CABP1: variants seen among roughly 807,000 people sequenced by gnomAD.
CABP1 encodes calcium-binding protein 1.
In CABP1, 17 loss-of-function variants were observed where a neutral mutation model predicts 34.3. The ratio of observed to expected loss-of-function variants is 0.50; its 90% CI spans 0.34 to 0.74. CABP1 has a LOEUF of 0.74. Ranked by LOEUF, CABP1 falls within the 30% of genes least tolerant of loss-of-function variation. CABP1 has a pLI of 0.01. For synonymous variants in CABP1, 198 were observed against 229.2 expected (o/e 0.86, Z 1.23); for missense variants, 373 against 511.1 (o/e 0.73, Z 2.61).
chr12:120,655,760 C>G (rs1880139521), intron 1 of CABP1: 2 of 1,475,454 alleles, frequency 1.4e-6, no homozygotes, highest in Non-Finnish European at 1.8e-6. Flanking sequence ...TAGAAGCCCC[C>G]CGCTGCCCCT....
chr12:120,666,973 C>G lies in CABP1; in HGVS notation c.*73C>G. On this transcript the variant is annotated 3_prime_UTR_variant, in exon 6 of 6. Transcript: ENST00000316803. ...AAGAGGAGCTAGAGCTTGCCTCACCCGCTGTAGCCGCCGAGAGCCCAGGAT... is the reference window on the plus strand; with the variant it reads ...AAGAGGAGCTAGAGCTTGCCTCACCGGCTGTAGCCGCCGAGAGCCCAGGAT... The G allele has an allele frequency of 1.3e-6, 2 of 1,526,876 alleles. No homozygotes were observed. Among genetic ancestry groups the G allele is most frequent in the Non-Finnish European group, 1.8e-6 (2 of 1,133,408 alleles). The allele number at this position is 1,526,876 out of a possible 1,614,324, so 94.6% of individuals were successfully genotyped here.
rs55874841 is a variant in CABP1 at position 120,642,995 on chromosome 12, G to GAAAAA, written c.654+1669_654+1673dup. On this transcript the variant is annotated intron_variant, in intron 1 of 5. Coordinates refer to ENST00000316803, the MANE Select transcript of CABP1 (RefSeq NM_001033677.2). ...TTGCAGCTGATCTGACTCAGCTCCTGAAAAAAAAAAAAAAAAAGAGTCCTT... is the reference window on the plus strand; with the variant it reads ...TTGCAGCTGATCTGACTCAGCTCCTGAAAAAAAAAAAAAAAAAAAAAAGAGTCCTT... 4.3e-3 allele frequency among the ~76,000 whole-genome samples: 296 copies of GAAAAA among 69,504 alleles called. 15 individuals are homozygous for GAAAAA. The highest frequency in any genetic ancestry group is 0.021 in the African/African-American group (279 of 13,144). The allele number at this position is 69,504 out of a possible 152,430, so 45.6% of individuals were successfully genotyped here. A position where few individuals can be genotyped will look rare whatever the true frequency, so the allele number is the denominator to read the frequency against.
Position 120,666,909 on chromosome 12 carries a change from G to A in CABP1, c.*9G>A. 1.9e-6 allele frequency: 3 copies of A among 1,603,344 alleles called. No individual in the cohort carries two copies. Among genetic ancestry groups the A allele is most frequent in the South Asian group, 1.1e-5 (1 of 89,968 alleles). On this transcript the variant is annotated 3_prime_UTR_variant, in exon 6 of 6. Coordinates refer to ENST00000316803, the MANE Select transcript of CABP1 (RefSeq NM_001033677.2). ...GGATGATGTCCCGCTGAGGCCGCGA[G>A]GGCCCCTCCAGGACTGCCAAGCTCC...
chr12:120,650,467 AGAC>A, intron 1 of CABP1: 7 of 1,468,742 alleles, frequency 4.8e-6, no homozygotes, highest in Non-Finnish European at 6.3e-6. Flanking sequence ...AGGAGCAGGC[AGAC>A]GAGTAAGAGA....
Position 120,641,784 on chromosome 12 carries a change from A to G in CABP1, c.654+445A>G, listed in dbSNP as rs928641094. 6.6e-6 allele frequency among the ~76,000 whole-genome samples: 1 copy of G among 152,248 alleles called. No individual in the cohort carries two copies. Among genetic ancestry groups the G allele is most frequent in the Non-Finnish European group, 1.5e-5 (1 of 68,044 alleles). The stretch of plus-strand genomic sequence containing the variant: ...CAAGAGAGGGGACCTCAGAGAACAC[A>G]GAATTACTTGAGGGCGAGGGACACT... On this transcript the variant is annotated intron_variant, in intron 1 of 5. Coordinates refer to ENST00000316803, the MANE Select transcript of CABP1 (RefSeq NM_001033677.2). The surrounding 1 kb of genome is among the most constrained non-coding windows in gnomAD (Gnocchi z 6.7).
the CABP1 span, among the ~76,000 whole-genome samples, chr12:120,672,671 G>T: frequency 6.6e-6 from 1 of 150,912 alleles, no homozygotes; most frequent in Non-Finnish European, 1.5e-5. Flanking sequence ...TAAAAAGTGG[G>T]CCTGACTAAA....
At chr12:120,676,535 C>T in the CABP1 span, among the ~76,000 whole-genome samples, 1 of 151,946 alleles carries the variant, frequency 6.6e-6, no homozygotes, top group African/African-American at 2.4e-5. Flanking sequence ...TGAAGCGATT[C>T]TCTTGCCTCA....
rs1313143477 is a variant in CABP1 at position 120,660,682 on chromosome 12, C to G, written c.830-49C>G. The G allele has an allele frequency of 3.9e-6, 5 of 1,271,580 alleles. No homozygotes were observed. In the South Asian group the frequency reaches 4.8e-5, roughly 12 times the overall value. 78.8% of individuals were successfully genotyped at this position (1,271,580 alleles called of 1,614,324 possible). The stretch of plus-strand genomic sequence containing the variant: ...ATTCTGTCAGTTGTCTAGTTGGAGA[C>G]AGGGAATGGGTATGTCGGGGATGAC... On this transcript the variant is annotated intron_variant, in intron 3 of 5. Coordinates refer to ENST00000316803, the MANE Select transcript of CABP1 (RefSeq NM_001033677.2). This position sits in a 1 kb window ranked among gnomAD's most constrained non-coding sequence, Gnocchi z 5.0.
rs199817643 is a variant in CABP1, at chr12:120,649,258, G to GC, written c.654+7926dup. On this transcript the variant is annotated intron_variant, in intron 1 of 5. Coordinates refer to ENST00000316803, the MANE Select transcript of CABP1 (RefSeq NM_001033677.2). ...ATCTTCCTAACAGGAGTTCTGAGCA[G>GC]CCCCCCCACACGGGAGAAAAGTTCC... Among the ~76,000 whole-genome samples, 981 of 152,254 alleles carry GC rather than the reference G, an allele frequency of 6.4e-3. 12 individuals carry two copies. Among genetic ancestry groups the GC allele is most frequent in the African/African-American group, 0.023 (941 of 41,530 alleles).
Position 120,641,223 on chromosome 12 carries a change from GGCCTCC to G in CABP1, c.540_545del (p.Leu181_Arg182del). The G allele has an allele frequency of 4.8e-6, 6 of 1,258,930 alleles. No homozygotes were observed. The highest frequency in any genetic ancestry group is 6.0e-6 in the Non-Finnish European group (6 of 1,002,906). 78.0% of individuals were successfully genotyped at this position (1,258,930 alleles called of 1,614,324 possible). A position where few individuals can be genotyped will look rare whatever the true frequency, so the allele number is the denominator to read the frequency against. ...GGAACGGGGACTGTCCCCGGCGCTC[GGCCTCC>G]GGGGCTCTCTGCGAGCCCGGGGCCG... On this transcript the variant is annotated inframe_deletion, in exon 1 of 6. Coordinates refer to ENST00000316803, the MANE Select transcript of CABP1 (RefSeq NM_001033677.2). The surrounding 1 kb of genome is among the most constrained non-coding windows in gnomAD (Gnocchi z 6.7).
intron 1 of CABP1, among the ~76,000 whole-genome samples, chr12:120,652,267 G>C (rs2137339972): frequency 6.6e-6 from 1 of 152,176 alleles, no homozygotes; most frequent in Non-Finnish European, 1.5e-5. Flanking sequence ...GGATGGAGGA[G>C]AAACAGGAAA....
the CABP1 span, among the ~76,000 whole-genome samples, chr12:120,677,084 GTT>G: frequency 0.022 from 2,789 of 127,742 alleles, 178 homozygotes; most frequent in East Asian, 0.26. Flanking sequence ...GAAGTTTGTG[GTT>G]TTTTTTTTTT....
At chr12:120,647,611 A>AG (rs2137330630) in intron 1 of CABP1, among the ~76,000 whole-genome samples, 1 of 127,262 alleles carries the variant, frequency 7.9e-6, no homozygotes, top group Admixed American at 1.0e-4. Flanking sequence ...TCTGTCGCTC[A>AG]GCCTGGAGTG....
In CABP1 at chr12:120,641,102, C is replaced by T; in HGVS notation, c.417C>T (p.Pro139=). The T allele has an allele frequency of 8.2e-7, 1 of 1,215,854 alleles. No individual in the cohort carries two copies. The highest frequency in any genetic ancestry group is 1.0e-6 in the Non-Finnish European group (1 of 978,796). 75.3% of individuals were successfully genotyped at this position (1,215,854 alleles called of 1,614,324 possible). Residue 139 remains proline, a synonymous_variant, in exon 1 of 6, where the codon CCC becomes CCT. Coordinates refer to ENST00000316803, the MANE Select transcript of CABP1 (RefSeq NM_001033677.2). The surrounding 1 kb of genome is among the most constrained non-coding windows in gnomAD (Gnocchi z 6.7). The part of the protein sequence containing the change: ...EGARGSQRVL[P]QAHCRPREAL... ...CGCGGGGGAGCCAGCGTGTGCTCCCCCAGGCGCACTGCAGGCCCCGGGAGG... is the reference window on the plus strand; with the variant it reads ...CGCGGGGGAGCCAGCGTGTGCTCCCTCAGGCGCACTGCAGGCCCCGGGAGG...
rs377611119 is a variant in CABP1 at position 120,659,956 on chromosome 12, G to C, written c.685+48G>C. The C allele has an allele frequency of 7.8e-5, 124 of 1,582,668 alleles. No homozygotes were observed. The Middle Eastern group carries it at 1.2e-3, about 15-fold the overall frequency. ...AAAGGACTGCCTAGCCCTCTAGGAA[G>C]GTGTGGGAAGGGAGGTTGATGGGAA... On this transcript the variant is annotated intron_variant, in intron 2 of 5. Coordinates refer to ENST00000316803, the MANE Select transcript of CABP1 (RefSeq NM_001033677.2).
the CABP1 span, among the ~76,000 whole-genome samples, chr12:120,673,140 C>T: frequency 1.8e-3 from 271 of 152,224 alleles, 1 homozygote; most frequent in African/African-American, 5.9e-3. Flanking sequence ...GCTATGATTG[C>T]AAAGGGGCAC....
the CABP1 span, among the ~76,000 whole-genome samples, chr12:120,676,243 A>C: frequency 6.6e-6 from 1 of 152,176 alleles, no homozygotes; most frequent in Non-Finnish European, 1.5e-5. Flanking sequence ...TTCAATAGGC[A>C]CATGTGGTGT....
intron 1 of CABP1, among the ~76,000 whole-genome samples, chr12:120,645,012 C>T (rs1879484983): frequency 6.6e-6 from 1 of 152,192 alleles, no homozygotes. Context: ...ACCACGTTGG[C>T]CAGGCTGGTC....
intron 1 of CABP1, among the ~76,000 whole-genome samples, chr12:120,654,622 GA>G (rs1223063170): frequency 6.6e-6 from 1 of 152,066 alleles, no homozygotes; most frequent in Admixed American, 6.6e-5. Context: ...CACATTGAAG[GA>G]AGGTATGTAA....
Sources: gnomAD v4.1 joint callset for allele counts (sites outside exome capture counted in the v4.1 genomes callset) on GRCh38, gnomAD v4.1.1 for gene constraint, Gnocchi (gnomAD v3.1) non-coding constraint, MANE v1.5 for transcripts, NCBI Gene and HGNC (gene_info 2026-07-23, HGNC 2026-07-21) for gene names.